GANAB: variants seen among roughly 807,000 people sequenced by gnomAD.
GANAB encodes the protein neutral alpha-glucosidase AB.
GANAB carries 35 observed loss-of-function variants against 129.9 expected under a neutral mutation model. The observed-to-expected ratio is 0.27, with a 90% CI of 0.21 to 0.36. The LOEUF (loss-of-function observed/expected upper bound fraction) is 0.36, where lower values mean the gene tolerates loss of function less well. Ranked by LOEUF, GANAB falls within the 10% of genes least tolerant of loss-of-function variation. The pLI is 1.00. For missense variants in GANAB, 939 were observed against 1,221.0 expected, an observed-to-expected ratio of 0.77 and a Z score of 3.44; for synonymous variants, 482 against 451.8, an observed-to-expected ratio of 1.07 and a Z score of -0.85.
At chr11:62,644,167 C>T (rs1259159614) in intron 1 of GANAB, among the ~76,000 whole-genome samples, 1 of 152,092 alleles carries the variant, frequency 6.6e-6, no homozygotes, top group African/African-American at 2.4e-5. Flanking sequence ...TGGTCTCGAA[C>T]TCCCAACCTC....
Position 62,646,589 on chromosome 11 carries a change from A to C in GANAB, c.11T>G (p.Val4Gly), listed in dbSNP as rs531614893. The C allele has an allele frequency of 6.2e-7, 1 of 1,613,762 alleles. No individual in the cohort carries two copies. Among genetic ancestry groups the C allele is most frequent in the African/African-American group, 1.3e-5 (1 of 75,036 alleles). The change falls in exon 1 of 24, where the codon GTA (valine) becomes GGA (glycine). Residue 4 changes from valine to glycine, a missense_variant. By Grantham distance (109) the Val-to-Gly change is moderately radical. Coordinates refer to ENST00000356638, the MANE Select transcript of GANAB (RefSeq NM_198334.3). ...CCTCCTACGCGCCGCCACTGCCGCT[A>C]CCGCCGCCATCTTGTGCAGAGTTTG... MAA[V>G]AAVAARRRRS... is the part of the protein sequence containing the mutation.
chr11:62,630,961 ATC>A, intron 10 of GANAB, 67 bp downstream of exon 10: 1 of 1,535,668 alleles, frequency 6.5e-7, no homozygotes. Flanking sequence ...GGGGCACAGG[ATC>A]TCTGAAAACA....
At chr11:62,640,228 C>A (rs1223844838) in intron 1 of GANAB, among the ~76,000 whole-genome samples, 4 of 28,024 alleles carry the variant, frequency 1.4e-4, no homozygotes, top group African/African-American at 6.3e-4. Context: ...CAGAGCTAGA[C>A]AAAAAAAAAA....
At chr11:62,627,268 C>G in intron 18 of GANAB, 21 bp downstream of exon 18, 1 of 1,522,932 alleles carries the variant, frequency 6.6e-7, no homozygotes, top group Non-Finnish European at 9.1e-7. Context: ...CAACCCACCA[C>G]CAACTATCCT....
intron 3 of GANAB, 61 bp from the exon 4 acceptor site, chr11:62,639,171 T>C: frequency 6.3e-7 from 1 of 1,585,836 alleles, no homozygotes; most frequent in Non-Finnish European, 8.6e-7. Context: ...GAATGCTCTT[T>C]GAACCCATTC....
chr11:62,633,212 G>A lies in GANAB; in HGVS notation c.690C>T (p.Phe230=), dbSNP rs779997189. The change falls in exon 7 of 24, where the codon TTC becomes TTT. Residue 230 remains phenylalanine (F), a synonymous_variant. Transcript: ENST00000356638. ...ACGGCTTGCTGTCAGAGTGAGTTTT[G>A]AATGTCTCCTCCCAGGCTCCTGGCT... The part of the protein sequence containing the change: ...KDEPGAWEET[F]KTHSDSKPYG... 9.9e-6 allele frequency: 16 copies of A among 1,613,946 alleles called. No individual in the cohort carries two copies. In the East Asian group the frequency reaches 3.6e-4, roughly 36 times the overall value.
chr11:62,626,118 C>T lies in GANAB; in HGVS notation c.2672G>A (p.Arg891Gln), dbSNP rs775692598. 4.9e-5 allele frequency: 79 copies of T among 1,613,918 alleles called. No homozygotes were observed. The highest frequency in any genetic ancestry group is 1.6e-4 in the South Asian group (15 of 91,086). Reference protein sequence around the residue: ...GHFETPIWIERVVIIGAGKPA... With the variant: ...GHFETPIWIEQVVIIGAGKPA... ...CTTTCCAGCCCCTATTATCACCACC[C>T]GCTCAATCCAGATTGGTGTCTCAAA... Residue 891 changes from arginine (R) to glutamine (Q), a missense_variant, in exon 23 of 24, where the codon CGG (arginine) becomes CAG (glutamine). Arg to Gln is a conservative substitution (Grantham distance 43). Coordinates refer to ENST00000356638, the MANE Select transcript of GANAB (RefSeq NM_198334.3).
intron 13 of GANAB, 25 bp downstream of exon 13, chr11:62,630,172 G>C: frequency 6.4e-7 from 1 of 1,553,782 alleles, no homozygotes; most frequent in Non-Finnish European, 8.9e-7. Context: ...GACAGACGCA[G>C]GTCATGGGGA....
chr11:62,629,913 T>A lies in GANAB; in HGVS notation c.1638A>T (p.Pro546=). The A allele has an allele frequency of 1.2e-6, 2 of 1,614,110 alleles. No homozygotes were observed. The highest frequency in any genetic ancestry group is 1.3e-5 in the African/African-American group (1 of 75,026). The change falls in exon 14 of 24, where the codon CCA becomes CCT. Residue 546 remains proline, a synonymous_variant. Transcript: ENST00000356638. The part of the protein sequence containing the change: ...NLFVWNDMNE[P]SVFNGPEVTM... ...TGACCTCAGGACCATTGAACACAGATGGTTCGTTCATGTCATTCCAGACAA... is the reference window on the plus strand; with the variant it reads ...TGACCTCAGGACCATTGAACACAGAAGGTTCGTTCATGTCATTCCAGACAA...
In GANAB at chr11:62,634,992, A is replaced by T. The variant is rs140032688; in HGVS notation, c.389T>A (p.Val130Asp). The stretch of plus-strand genomic sequence containing the variant: ...CACACTGTTCTCATCACGACCAGAG[A>T]CAGAAAGCCTGGGAAACATATCAAA... ...VADPPIARLSVSGRDENSVEL... is the reference protein window; with the variant it reads ...VADPPIARLSDSGRDENSVEL... Residue 130 changes from valine to aspartate, a missense_variant, in exon 5 of 24, where the codon GTC becomes GAC. Physicochemically the swap from Val to Asp is radical, Grantham distance 152 (BLOSUM62 -3). Transcript: ENST00000356638. 6.2e-7 allele frequency: 1 copy of T among 1,610,266 alleles called. No homozygotes were observed.
chr11:62,639,275 G>C, intron 3 of GANAB, 84 bp downstream of exon 3: 1 of 1,265,348 alleles, frequency 7.9e-7, no homozygotes, highest in Non-Finnish European at 1.2e-6. Flanking sequence ...GCTGGGACAA[G>C]ATGTTGGCCA....
rs1417175965 is a variant in GANAB, at chr11:62,634,842, T to C, written c.539A>G (p.His180Arg). ...VNARGLLEFE[H>R]QRAPRVSQGS... is the part of the protein sequence containing the mutation. ...TCACGAGACCCTAGGGGCCCTCTGA[T>C]GCTCAAACTCCAAGAGTCCTCGGGC... Residue 180 changes from histidine (H) to arginine (R), a missense_variant, in exon 5 of 24, where the codon CAT becomes CGT. Transcript: ENST00000356638. 4 of 1,614,074 alleles carry C rather than the reference T, an allele frequency of 2.5e-6. No individual in the cohort carries two copies. Among genetic ancestry groups the C allele is most frequent in the Non-Finnish European group, 2.5e-6 (3 of 1,179,948 alleles).
chr11:62,626,320 T>C lies in GANAB; in HGVS notation c.2624+15A>G. On this transcript the variant is annotated intron_variant, in intron 22 of 23. Transcript: ENST00000356638. The stretch of plus-strand genomic sequence containing the variant: ...CCCAGCAAAGGCAGCCAAGGAAGAG[T>C]GGGTGACCCATTACCTGGAGACAAG... 6.5e-7 allele frequency: 1 copy of C among 1,543,054 alleles called. No homozygotes were observed.
rs200471233 is a variant in GANAB at position 62,646,545 on chromosome 11, G to A, written c.38+17C>T. On this transcript the variant is annotated intron_variant, in intron 1 of 23. Coordinates refer to ENST00000356638, the MANE Select transcript of GANAB (RefSeq NM_198334.3). ...TGGGGGCGTCCCGGGCGCGCCCCCA[G>A]ATTCCGGGCTCCTCACCGCCTCCTA... 2.9e-3 allele frequency: 4,641 copies of A among 1,613,290 alleles called. 6 individuals carry two copies. The highest frequency in any genetic ancestry group is 3.0e-3 in the Non-Finnish European group (3,580 of 1,179,698).
intron 1 of GANAB, among the ~76,000 whole-genome samples, chr11:62,642,260 G>A (rs1944304766): frequency 6.6e-6 from 1 of 151,890 alleles, no homozygotes; most frequent in Non-Finnish European, 1.5e-5. Context: ...TCACTTTGTT[G>A]CCCAGGCTGG....
At chr11:62,626,213 C>T (rs755832946) in intron 22 of GANAB, 48 bp from the exon 23 acceptor site, 12 of 1,441,282 alleles carry the variant, frequency 8.3e-6, no homozygotes, top group Non-Finnish European at 1.1e-5. Flanking sequence ...AATAACAGAA[C>T]AGAAGGAAGG....
chr11:62,626,285 A>C (rs749116810), intron 22 of GANAB, 50 bp downstream of exon 22: 2 of 1,385,998 alleles, frequency 1.4e-6, no homozygotes, highest in East Asian at 4.6e-5. Context: ...AGCCCCCACA[A>C]GGATCAGGCC....
intron 19 of GANAB, 47 bp downstream of exon 19, chr11:62,627,001 C>T (rs1403690736): frequency 1.3e-6 from 2 of 1,587,686 alleles, no homozygotes; most frequent in African/African-American, 2.7e-5. Flanking sequence ...CTGTTTGCCT[C>T]CTTTGGCTTC....
chr11:62,634,769 C>A (rs1943860947), intron 5 of GANAB, 52 bp downstream of exon 5: 1 of 1,454,304 alleles, frequency 6.9e-7, no homozygotes, highest in East Asian at 2.3e-5. Flanking sequence ...CCTCACAACA[C>A]CCCTATGCTC....
Sources: allele counts gnomAD v4.1 joint callset (sites outside exome capture counted in the v4.1 genomes callset), GRCh38; gene constraint gnomAD v4.1.1; transcripts MANE v1.5; gene names NCBI Gene and HGNC (gene_info 2026-07-23, HGNC 2026-07-21).